Variants in FYN observed in about 807,000 individuals in gnomAD.
The protein encoded by FYN is FYN proto-oncogene, Src family tyrosine kinase.
FYN carries 10 observed loss-of-function variants against 70.2 expected under a neutral mutation model. That is an observed-to-expected ratio of 0.14 (90% CI 0.09 to 0.24). FYN has a LOEUF of 0.24. Among genes scored for constraint, FYN ranks in the 10% least tolerant of loss-of-function variants. The pLI, the probability that FYN is intolerant of heterozygous loss-of-function variation, is 1.00. For missense variants in FYN, 319 were observed against 673.1 expected (o/e 0.47, Z 5.82); for synonymous variants, 236 against 248.6 (o/e 0.95, Z 0.48).
intron 2 of FYN, among the ~76,000 whole-genome samples, chr6:111,831,263 T>G (rs1773008644): frequency 6.6e-6 from 1 of 152,174 alleles, no homozygotes; most frequent in South Asian, 2.1e-4. Flanking sequence ...CTGTATTCAT[T>G]AACAAATTTA....
intron 2 of FYN, among the ~76,000 whole-genome samples, chr6:111,782,650 G>GC (rs1023255094): frequency 2.0e-5 from 3 of 152,198 alleles, no homozygotes; most frequent in African/African-American, 7.2e-5. Context: ...CAAGCATAAT[G>GC]CCTGCCTTCC....
intron 1 of FYN, among the ~76,000 whole-genome samples, chr6:111,859,286 C>A (rs2114514223): frequency 6.6e-6 from 1 of 152,346 alleles, no homozygotes; most frequent in East Asian, 1.9e-4. Context: ...CTCTAAGTCA[C>A]CGCAAGGCCA....
At chr6:111,731,641 A>G (rs923441241) in intron 3 of FYN, among the ~76,000 whole-genome samples, 6 of 152,190 alleles carry the variant, frequency 3.9e-5, no homozygotes, top group Non-Finnish European at 8.8e-5. Flanking sequence ...AGCTTCTTGC[A>G]GCTGTTTTGG....
chr6:111,841,324 G>T (rs2114457871), intron 2 of FYN, among the ~76,000 whole-genome samples: 1 of 152,298 alleles, frequency 6.6e-6, no homozygotes, highest in Non-Finnish European at 1.5e-5. Flanking sequence ...AAATAAGGGA[G>T]AAAGACCTTT....
At chr6:111,860,744 T>C (rs1319171368) in intron 1 of FYN, among the ~76,000 whole-genome samples, 1 of 152,202 alleles carries the variant, frequency 6.6e-6, no homozygotes, top group Non-Finnish European at 1.5e-5. Context: ...TCTACCACAG[T>C]CCTTCCAGAT....
At chr6:111,767,765 A>G (rs1271381166) in intron 3 of FYN, among the ~76,000 whole-genome samples, 2 of 152,178 alleles carry the variant, frequency 1.3e-5, no homozygotes, top group African/African-American at 2.4e-5. Flanking sequence ...GGTTTGTTAG[A>G]AGAGAGACAA....
intron 2 of FYN, among the ~76,000 whole-genome samples, chr6:111,797,848 C>T (rs571278838): frequency 6.6e-5 from 10 of 151,900 alleles, no homozygotes; most frequent in South Asian, 2.1e-4. Flanking sequence ...CTGCAACCTC[C>T]GCCTCCCAGG....
chr6:111,721,326 C>T (rs533531951), intron 3 of FYN, among the ~76,000 whole-genome samples: 25 of 152,332 alleles, frequency 1.6e-4, no homozygotes, highest in Non-Finnish European at 2.6e-4. Flanking sequence ...TGTCTGTTTT[C>T]ATCACAGCTA....
At chr6:111,674,687 G>C in intron 12 of FYN, 57 bp from the exon 13 acceptor site, 1 of 1,564,598 alleles carries the variant, frequency 6.4e-7, no homozygotes, top group Non-Finnish European at 8.7e-7. Flanking sequence ...TGGGCATGGG[G>C]TGTGGGAGGG....
At chr6:111,745,695 T>C (rs1433491389) in intron 3 of FYN, among the ~76,000 whole-genome samples, 1 of 152,236 alleles carries the variant, frequency 6.6e-6, no homozygotes, top group African/African-American at 2.4e-5. Context: ...AGGCAGCATG[T>C]TCTGGAGGGA....
chr6:111,769,540 G>C (rs1199944512), intron 3 of FYN, among the ~76,000 whole-genome samples: 1 of 152,136 alleles, frequency 6.6e-6, no homozygotes, highest in African/African-American at 2.4e-5. Flanking sequence ...AAATGGGACT[G>C]ACATATTGGG....
At chr6:111,665,337 GTTT>G (rs1354404727) in intron 13 of FYN, among the ~76,000 whole-genome samples, 1 of 151,878 alleles carries the variant, frequency 6.6e-6, no homozygotes, top group African/African-American at 2.4e-5. Context: ...GAAAATCATG[GTTT>G]TTTTAAATAA....
At chr6:111,872,806 C>T (rs981509262) in intron 1 of FYN, among the ~76,000 whole-genome samples, 162 bp downstream of exon 1, 17 of 151,678 alleles carry the variant, frequency 1.1e-4, no homozygotes, top group Non-Finnish European at 1.8e-4. Context: ...GCGGGAAGAC[C>T]CCAAGCACCG....
At chr6:111,841,083 T>C (rs1465705897) in intron 2 of FYN, among the ~76,000 whole-genome samples, 1 of 152,180 alleles carries the variant, frequency 6.6e-6, no homozygotes, top group East Asian at 1.9e-4. Context: ...GCTACTCAGA[T>C]GAAGAATATA....
At chr6:111,695,150 A>T (rs1799518584) in intron 10 of FYN, among the ~76,000 whole-genome samples, 1 of 152,220 alleles carries the variant, frequency 6.6e-6, no homozygotes. Context: ...TTAGATATGC[A>T]AATTCTCAGG....
At chr6:111,716,629 T>C (rs1265146574) in intron 4 of FYN, among the ~76,000 whole-genome samples, 1 of 151,050 alleles carries the variant, frequency 6.6e-6, no homozygotes, top group Non-Finnish European at 1.5e-5. Context: ...CTGGGTAAGA[T>C]TTGGGAAACA....
rs562249453 is a variant in FYN, at chr6:111,786,305, C to T, written c.-81-5670G>A. 2.1e-4 allele frequency among the ~76,000 whole-genome samples: 32 copies of T among 151,580 alleles called. No individual in the cohort carries two copies. The South Asian group carries it at 3.4e-3, about 16-fold the overall frequency. ...ATTCCCACCTATGAGTGAGAACATGCGGTGTTTGGTTTTTTGTCCTTGTGA... is the reference window on the plus strand; with the variant it reads ...ATTCCCACCTATGAGTGAGAACATGTGGTGTTTGGTTTTTTGTCCTTGTGA... On this transcript the variant is annotated intron_variant, in intron 2 of 13. Coordinates refer to ENST00000354650, the MANE Select transcript of FYN (RefSeq NM_002037.5).
At chr6:111,663,781 C>T (rs1797875184) in intron 13 of FYN, among the ~76,000 whole-genome samples, 1 of 152,102 alleles carries the variant, frequency 6.6e-6, no homozygotes, top group Non-Finnish European at 1.5e-5. Context: ...GAGTGAGAGG[C>T]AGCGCTGTGG....
chr6:111,860,832 G>A (rs572755059), intron 1 of FYN, among the ~76,000 whole-genome samples: 19 of 152,238 alleles, frequency 1.2e-4, no homozygotes, highest in African/African-American at 4.6e-4. Flanking sequence ...TCTAACACTT[G>A]GCAGTCTGAA....
Sources: gnomAD v4.1 joint callset for allele counts (sites outside exome capture counted in the v4.1 genomes callset) on GRCh38, gnomAD v4.1.1 for gene constraint, MANE v1.5 for transcripts, NCBI Gene and HGNC (gene_info 2026-07-23, HGNC 2026-07-21) for gene names.